ZNF124: variants seen among roughly 807,000 people sequenced by gnomAD.
The protein encoded by ZNF124 is zinc finger protein 124.
ZNF124 carries 25 observed loss-of-function variants against 26.6 expected under a neutral mutation model. That is an observed-to-expected ratio of 0.94 (90% CI 0.68 to 1.31). The LOEUF (loss-of-function observed/expected upper bound fraction) is 1.31, where lower values mean the gene tolerates loss of function less well. ZNF124 is among the 40% of genes most tolerant of loss of function. The probability of loss-of-function intolerance (pLI) is 0.00; values close to 1 mark genes in which losing one functional copy is unlikely to be tolerated. For synonymous variants in ZNF124, 129 were observed against 133.3 expected (o/e 0.97, Z 0.22); for missense variants, 444 against 422.2 (o/e 1.05, Z -0.45).
chr1:247,154,164 A>G (rs1572078151), downstream of ZNF124, among the ~76,000 whole-genome samples: 1 of 152,272 alleles, frequency 6.6e-6, no homozygotes, highest in Non-Finnish European at 1.5e-5. Context: ...TCCCCACCCA[A>G]ATCTCACCTT....
At chr1:247,169,763 G>C (rs1673991764) in intron 1 of ZNF124, among the ~76,000 whole-genome samples, 1 of 140,250 alleles carries the variant, frequency 7.1e-6, no homozygotes, top group Non-Finnish European at 1.5e-5. Context: ...GTATCCGACT[G>C]CCTGACCAGC....
At chr1:247,122,324 T>C (rs1252843328) in exon 4 of ZNF124, 3 of 152,234 alleles carry the variant, frequency 2.0e-5, no homozygotes, top group Non-Finnish European at 4.4e-5. Flanking sequence ...GAATGACACA[T>C]TGATAATCAT....
chr1:247,149,000 G>A (rs1354582238), intron 3 of ZNF124, among the ~76,000 whole-genome samples: 1 of 151,942 alleles, frequency 6.6e-6, no homozygotes, highest in Non-Finnish European at 1.5e-5. Context: ...AAATCCCAGT[G>A]CTTTAACATG....
At chr1:247,130,323 G>A (rs986986301) in intron 3 of ZNF124, among the ~76,000 whole-genome samples, 15 of 152,162 alleles carry the variant, frequency 9.9e-5, no homozygotes, top group Admixed American at 5.9e-4. Flanking sequence ...TCTGGGGGTG[G>A]TTTCAACCCG....
intron 3 of ZNF124, among the ~76,000 whole-genome samples, chr1:247,158,306 T>C (rs1673271494): frequency 6.6e-6 from 1 of 152,036 alleles, no homozygotes; most frequent in African/African-American, 2.4e-5. Flanking sequence ...CCTTTCTCTC[T>C]CTCTTGCTCC....
chr1:247,152,082 C>T (rs1422477349), downstream of ZNF124, among the ~76,000 whole-genome samples: 1 of 147,964 alleles, frequency 6.8e-6, no homozygotes, highest in Non-Finnish European at 1.5e-5. Flanking sequence ...TCTAAAAAGC[C>T]TCAGACAAAA....
chr1:247,130,592 T>C (rs1161205074), intron 3 of ZNF124, among the ~76,000 whole-genome samples: 3 of 152,242 alleles, frequency 2.0e-5, no homozygotes, highest in African/African-American at 7.2e-5. Flanking sequence ...ATCGAAATAA[T>C]TTCTTTATGA....
intron 1 of ZNF124, among the ~76,000 whole-genome samples, chr1:247,163,497 CTAT>C (rs1220956607): frequency 6.6e-6 from 1 of 150,900 alleles, no homozygotes; most frequent in Non-Finnish European, 1.5e-5. Context: ...CCCTCAGAGG[CTAT>C]TATTACAAAC....
intron 3 of ZNF124, chr1:247,138,160 G>A (rs1257563929): frequency 6.6e-6 from 1 of 152,126 alleles, no homozygotes; most frequent in African/African-American, 2.4e-5. Context: ...GCACACGTAT[G>A]TTTATTGCAA....
chr1:247,140,858 T>C (rs1192314580), intron 3 of ZNF124, among the ~76,000 whole-genome samples: 1 of 152,200 alleles, frequency 6.6e-6, no homozygotes, highest in Non-Finnish European at 1.5e-5. Flanking sequence ...GTTGCAGTCA[T>C]GCTCCCTCTC....
intron 1 of ZNF124, among the ~76,000 whole-genome samples, chr1:247,162,642 T>C (rs1169928393): frequency 2.1e-5 from 3 of 144,682 alleles, no homozygotes; most frequent in Non-Finnish European, 4.5e-5. Context: ...AAAGCAGGGA[T>C]TACTAGTCAA....
At chr1:247,124,002 G>C (rs201536684) in intron 3 of ZNF124, 2 of 561,144 alleles carry the variant, frequency 3.6e-6, no homozygotes, top group South Asian at 3.6e-5. Context: ...CTAATTTTTT[G>C]TATTTTTAGT....
chr1:247,170,226 C>T (rs1399545483), intron 1 of ZNF124, among the ~76,000 whole-genome samples: 2 of 146,928 alleles, frequency 1.4e-5, no homozygotes, highest in African/African-American at 5.0e-5. Context: ...TCTCTGTTTT[C>T]ACAAGGAATG....
chr1:247,162,430 G>A (rs1289695405), intron 1 of ZNF124, among the ~76,000 whole-genome samples: 1 of 151,806 alleles, frequency 6.6e-6, no homozygotes, highest in Non-Finnish European at 1.5e-5. Context: ...CAACACAAAT[G>A]GAAAACAGAA....
intron 3 of ZNF124, among the ~76,000 whole-genome samples, chr1:247,134,762 C>G (rs1672444898): frequency 6.6e-6 from 1 of 152,202 alleles, no homozygotes; most frequent in Admixed American, 6.5e-5. Context: ...TAGTAGATGT[C>G]TAAAGAACTC....
chr1:247,131,925 C>T (rs753706320), intron 3 of ZNF124, among the ~76,000 whole-genome samples: 2 of 152,168 alleles, frequency 1.3e-5, no homozygotes, highest in Non-Finnish European at 2.9e-5. Flanking sequence ...CACCAAGGGA[C>T]AAAGTCTTTC....
At chr1:247,157,651 GAGA>G (rs988551499) in intron 3 of ZNF124, 44 of 566,264 alleles carry the variant, frequency 7.8e-5, no homozygotes, top group African/African-American at 7.2e-4. Flanking sequence ...ACCAATATCA[GAGA>G]AAGTGCAGGT....
intron 1 of ZNF124, among the ~76,000 whole-genome samples, chr1:247,164,434 A>T (rs1673661788): frequency 6.6e-6 from 1 of 152,230 alleles, no homozygotes; most frequent in African/African-American, 2.4e-5. Context: ...ATGTACAAAA[A>T]TTAGGAGCAT....
rs1673136730 is a variant in ZNF124 at position 247,156,504 on chromosome 1, A to C, written c.*62T>G. 6.8e-7 allele frequency: 1 copy of C among 1,461,178 alleles called. No homozygotes were observed. The highest frequency in any genetic ancestry group is 9.0e-7 in the Non-Finnish European group (1 of 1,107,346). 90.5% of individuals were successfully genotyped at this position (1,461,178 alleles called of 1,614,324 possible). On this transcript the variant is annotated 3_prime_UTR_variant, in exon 4 of 4. Transcript: ENST00000543802. The stretch of plus-strand genomic sequence containing the variant: ...AAGTACTTTCCTACACCTTACATTC[A>C]CAGTTTCTCTCAAGTATGTGACTGT...
Sources: gnomAD v4.1 joint callset for allele counts (sites outside exome capture counted in the v4.1 genomes callset) on GRCh38, gnomAD v4.1.1 for gene constraint, MANE v1.5 for transcripts, NCBI Gene and HGNC (gene_info 2026-07-23, HGNC 2026-07-21) for gene names.